ADAM22: variants seen among roughly 807,000 people sequenced by gnomAD.
ADAM22 encodes the protein ADAM metallopeptidase domain 22.
Under a neutral mutation model 144.6 loss-of-function variants are expected in ADAM22, and 65 were observed. The observed-to-expected ratio is 0.45, with a 90% CI of 0.37 to 0.55. The LOEUF (loss-of-function observed/expected upper bound fraction) is 0.55. Among genes scored for constraint, ADAM22 ranks in the 20% least tolerant of loss-of-function variants. ADAM22 has a pLI of 0.00. For synonymous variants in ADAM22, 391 were observed against 412.6 expected (o/e 0.95, Z 0.63); for missense variants, 974 against 1,184.9 (o/e 0.82, Z 2.61).
At chr7:88,023,919 C>G (rs1414778549) in intron 3 of ADAM22, among the ~76,000 whole-genome samples, 4 of 151,920 alleles carry the variant, frequency 2.6e-5, no homozygotes, top group African/African-American at 9.7e-5. Flanking sequence ...TTTTAAATCC[C>G]ACAAATAAGT....
chr7:88,008,891 T>TATA lies in ADAM22; in HGVS notation c.323+30499_323+30501dup, dbSNP rs139336031. Among the ~76,000 whole-genome samples the TATA allele has an allele frequency of 3.8e-4, 56 of 146,934 alleles. No individual in the cohort carries two copies. The South Asian group carries it at 4.5e-3, about 12-fold the overall frequency. On this transcript the variant is annotated intron_variant, in intron 3 of 31. Transcript: ENST00000413139. ...TGCACATGTACCCTAAAACTTAAAG[T>TATA]ATAATAATAATAATAATAATAAAAA... is the stretch of plus-strand genomic sequence containing the variant.
intron 3 of ADAM22, among the ~76,000 whole-genome samples, chr7:88,072,900 A>G (rs1585436954): frequency 6.6e-6 from 1 of 152,188 alleles, no homozygotes; most frequent in African/African-American, 2.4e-5. Context: ...TGGATGCTGG[A>G]GCAATTACCA....
At chr7:88,185,623 T>G (rs1287576960) in intron 29 of ADAM22, among the ~76,000 whole-genome samples, 1 of 152,084 alleles carries the variant, frequency 6.6e-6, no homozygotes, top group Non-Finnish European at 1.5e-5. Flanking sequence ...TTGTTAAATC[T>G]ACATTATTTT....
intron 3 of ADAM22, among the ~76,000 whole-genome samples, chr7:88,060,497 G>A (rs1326739691): frequency 2.0e-5 from 3 of 152,130 alleles, no homozygotes; most frequent in South Asian, 2.1e-4. Flanking sequence ...TTGGCTGGGC[G>A]CAGTGGCTCA....
At chr7:88,087,493 G>T (rs2129484200) in intron 4 of ADAM22, among the ~76,000 whole-genome samples, 1 of 152,264 alleles carries the variant, frequency 6.6e-6, no homozygotes, top group African/African-American at 2.4e-5. Flanking sequence ...ATGAATTTTA[G>T]AAAACTAAGA....
chr7:88,184,089 T>A (rs1415407270), intron 29 of ADAM22, among the ~76,000 whole-genome samples: 1 of 152,062 alleles, frequency 6.6e-6, no homozygotes, highest in Non-Finnish European at 1.5e-5. Flanking sequence ...CTTTAGTACC[T>A]CATTATTCCA....
At chr7:88,143,261 A>T (rs530966016) in intron 15 of ADAM22, 136 bp downstream of exon 15, 155 of 500,862 alleles carry the variant, frequency 3.1e-4, no homozygotes, top group Non-Finnish European at 4.0e-4. Flanking sequence ...GATATGCTAT[A>T]TATCTGCATA....
intron 3 of ADAM22, among the ~76,000 whole-genome samples, chr7:88,031,110 C>T (rs902094701): frequency 7.0e-6 from 1 of 142,278 alleles, no homozygotes; most frequent in African/African-American, 2.5e-5. Context: ...AGCAAGACTC[C>T]GTCTCAAAAA....
At chr7:87,949,063 G>A (rs572421052) in intron 2 of ADAM22, among the ~76,000 whole-genome samples, 3 of 152,260 alleles carry the variant, frequency 2.0e-5, no homozygotes, top group East Asian at 3.9e-4. Flanking sequence ...TAATGCTTTC[G>A]TTGGGATGGC....
At chr7:88,072,835 C>T (rs944733922) in intron 3 of ADAM22, among the ~76,000 whole-genome samples, 7 of 152,148 alleles carry the variant, frequency 4.6e-5, no homozygotes, top group African/African-American at 1.7e-4. Flanking sequence ...GGAGGACAGT[C>T]CTTTGCAAAC....
intron 3 of ADAM22, among the ~76,000 whole-genome samples, chr7:87,986,236 G>T (rs2129450573): frequency 6.6e-6 from 1 of 152,254 alleles, no homozygotes. Flanking sequence ...TCTAAGTTGA[G>T]AAGTGGTAAA....
At chr7:87,949,504 C>T (rs1020736933) in intron 2 of ADAM22, among the ~76,000 whole-genome samples, 5 of 152,192 alleles carry the variant, frequency 3.3e-5, no homozygotes, top group Admixed American at 2.0e-4. Context: ...ACTTTATTCA[C>T]CAGACTTTGT....
intron 15 of ADAM22, among the ~76,000 whole-genome samples, chr7:88,144,476 C>A (rs558513490): frequency 1.3e-5 from 2 of 152,168 alleles, no homozygotes; most frequent in East Asian, 1.9e-4. Flanking sequence ...GCAAAACTAT[C>A]TTAATAGGAG....
At chr7:88,038,195 T>C (rs986158039) in intron 3 of ADAM22, among the ~76,000 whole-genome samples, 74 of 152,294 alleles carry the variant, frequency 4.9e-4, no homozygotes, top group African/African-American at 1.7e-3. Context: ...TGGGAGAGAA[T>C]GTAGACTATG....
chr7:88,119,284 C>T (rs1330870988), intron 7 of ADAM22, among the ~76,000 whole-genome samples: 1 of 152,132 alleles, frequency 6.6e-6, no homozygotes. Flanking sequence ...ATGTCCATTA[C>T]CCCAATAACT....
chr7:88,158,131 C>T (rs1840512487), intron 22 of ADAM22, among the ~76,000 whole-genome samples: 1 of 151,962 alleles, frequency 6.6e-6, no homozygotes, highest in Non-Finnish European at 1.5e-5. Flanking sequence ...GACTTTAAGC[C>T]AACAAAGATA....
chr7:87,944,827 T>TTG (rs1554339420), intron 2 of ADAM22, among the ~76,000 whole-genome samples: 1 of 151,338 alleles, frequency 6.6e-6, no homozygotes, highest in Non-Finnish European at 1.5e-5. Context: ...TTTTTTTTTT[T>TTG]TTTGTTTTTT....
intron 3 of ADAM22, among the ~76,000 whole-genome samples, chr7:87,998,954 A>G (rs1004661782): frequency 2.6e-5 from 4 of 152,206 alleles, no homozygotes; most frequent in African/African-American, 7.2e-5. Context: ...TGTGTAATAT[A>G]TGATGTGTGC....
At chr7:88,188,631 G>A (rs902539182) in intron 30 of ADAM22, among the ~76,000 whole-genome samples, 2 of 152,188 alleles carry the variant, frequency 1.3e-5, no homozygotes, top group African/African-American at 2.4e-5. Flanking sequence ...TTTCTGTGGT[G>A]GTGGTAAATA....
Sources: gnomAD v4.1 joint callset for allele counts (sites outside exome capture counted in the v4.1 genomes callset) on GRCh38, gnomAD v4.1.1 for gene constraint, MANE v1.5 for transcripts, NCBI Gene and HGNC (gene_info 2026-07-23, HGNC 2026-07-21) for gene names.